REEP5: variants seen among roughly 807,000 people sequenced by gnomAD.
REEP5 encodes the protein receptor expression-enhancing protein 5.
Under a neutral mutation model 22.4 loss-of-function variants are expected in REEP5, and 24 were observed. The observed-to-expected ratio is 1.07, with a 90% CI of 0.78 to 1.51. The LOEUF (loss-of-function observed/expected upper bound fraction) is 1.51, where lower values mean the gene tolerates loss of function less well. Ranked by LOEUF, REEP5 falls within the 40% of genes most tolerant of loss-of-function variation. The pLI, the probability that REEP5 is intolerant of heterozygous loss-of-function variation, is 0.00. For synonymous variants in REEP5, 103 were observed against 88.6 expected, an observed-to-expected ratio of 1.16 and a Z score of -0.92; for missense variants, 252 against 233.0, an observed-to-expected ratio of 1.08 and a Z score of -0.53.
intron 2 of REEP5, among the ~76,000 whole-genome samples, chr5:112,904,876 C>A (rs1397652996): frequency 6.6e-6 from 1 of 151,884 alleles, no homozygotes; most frequent in Admixed American, 6.6e-5. Context: ...TCTAAAGTCC[C>A]CATGTTAATA....
chr5:112,921,995 C>G (rs1001075645), intron 1 of REEP5, 78 bp downstream of exon 1: 99 of 1,511,978 alleles, frequency 6.5e-5, no homozygotes, highest in Non-Finnish European at 8.7e-5. Flanking sequence ...CGAGTCCTCT[C>G]CCTGCTTCCT....
intron 4 of REEP5, among the ~76,000 whole-genome samples, chr5:112,884,787 C>G (rs879862800): frequency 3.3e-5 from 5 of 151,724 alleles, no homozygotes; most frequent in Admixed American, 1.3e-4. Flanking sequence ...TGGCCCCCCC[C>G]CATCTTTCTA....
chr5:112,884,113 G>A (rs1768158876), intron 4 of REEP5, among the ~76,000 whole-genome samples: 1 of 152,142 alleles, frequency 6.6e-6, no homozygotes, highest in Non-Finnish European at 1.5e-5. Context: ...AGTGGCCACA[G>A]GCATCTTATT....
chr5:112,919,097 T>C (rs1769293551), intron 2 of REEP5, among the ~76,000 whole-genome samples: 2 of 152,230 alleles, frequency 1.3e-5, no homozygotes. Context: ...AAAATAACTC[T>C]GGCTAGGGAG....
At chr5:112,888,524 A>T (rs1416892770) in intron 3 of REEP5, among the ~76,000 whole-genome samples, 2 of 152,180 alleles carry the variant, frequency 1.3e-5, no homozygotes. Flanking sequence ...CTGGGTTCAA[A>T]CAATCTTCCC....
intron 2 of REEP5, among the ~76,000 whole-genome samples, chr5:112,916,379 C>G (rs555853692): frequency 2.0e-5 from 3 of 152,302 alleles, no homozygotes; most frequent in Admixed American, 2.0e-4. Flanking sequence ...CGCTGCATCC[C>G]CTTAGGAAAT....
chr5:112,910,579 CTG>C (rs976533233), intron 2 of REEP5, among the ~76,000 whole-genome samples: 177 of 152,304 alleles, frequency 1.2e-3, no homozygotes, highest in African/African-American at 4.0e-3. Flanking sequence ...GAGAGAGTAT[CTG>C]TCCCCATAAA....
intron 3 of REEP5, among the ~76,000 whole-genome samples, chr5:112,887,490 C>T (rs1030556485): frequency 6.6e-6 from 1 of 152,094 alleles, no homozygotes; most frequent in African/African-American, 2.4e-5. Flanking sequence ...TTTTATTAAT[C>T]ATAACTCTTA....
chr5:112,880,187 T>A (rs1281716496), intron 4 of REEP5, among the ~76,000 whole-genome samples: 2 of 151,640 alleles, frequency 1.3e-5, no homozygotes, highest in African/African-American at 4.9e-5. Flanking sequence ...GAGGTAGGAG[T>A]ATTCCTTGAA....
intron 3 of REEP5, chr5:112,894,459 G>C (rs1033607844): frequency 2.0e-5 from 3 of 152,112 alleles, no homozygotes; most frequent in Non-Finnish European, 2.9e-5. Flanking sequence ...ATGTTTTACT[G>C]TAGTTGCTTA....
At chr5:112,878,924 T>C in intron 4 of REEP5, 89 bp from the exon 5 acceptor site, 2 of 1,572,180 alleles carry the variant, frequency 1.3e-6, no homozygotes, top group Non-Finnish European at 1.7e-6. Context: ...ATGTAGCTAC[T>C]AGATAACAAA....
intron 2 of REEP5, among the ~76,000 whole-genome samples, chr5:112,907,524 G>GGCAC (rs1768981045): frequency 6.6e-6 from 1 of 152,210 alleles, no homozygotes; most frequent in Non-Finnish European, 1.5e-5. Context: ...GAGCAGCAGA[G>GGCAC]GCACGACTAC....
intron 2 of REEP5, among the ~76,000 whole-genome samples, chr5:112,919,830 C>A (rs1769312845): frequency 6.6e-6 from 1 of 152,048 alleles, no homozygotes; most frequent in Admixed American, 6.6e-5. Context: ...TTATAGCAGC[C>A]CAAGCAGACT....
chr5:112,892,546 C>A (rs779846186), intron 3 of REEP5: 1 of 1,614,192 alleles, frequency 6.2e-7, no homozygotes, highest in Non-Finnish European at 8.5e-7. Context: ...ACGACAGCTG[C>A]AATGTGAATT....
intron 4 of REEP5, among the ~76,000 whole-genome samples, chr5:112,879,131 T>C (rs771838628): frequency 1.1e-4 from 16 of 152,086 alleles, no homozygotes; most frequent in Admixed American, 2.0e-4. Flanking sequence ...CCTTTAAGCA[T>C]TGAAAGAAGC....
chr5:112,921,031 A>T (rs769019489), intron 2 of REEP5, 132 bp downstream of exon 2: 13 of 804,916 alleles, frequency 1.6e-5, no homozygotes, highest in Non-Finnish European at 2.6e-5. Flanking sequence ...CCCACCCCTT[A>T]TGTCCAACCT....
intron 3 of REEP5, chr5:112,893,110 A>G (rs767771070): frequency 1.2e-5 from 13 of 1,049,956 alleles, no homozygotes; most frequent in Middle Eastern, 6.7e-4. Context: ...AAAAAAAAAA[A>G]AAAAAAAGAA....
At chr5:112,882,935 T>A (rs959808274) in intron 4 of REEP5, among the ~76,000 whole-genome samples, 1 of 152,162 alleles carries the variant, frequency 6.6e-6, no homozygotes, top group African/African-American at 2.4e-5. Flanking sequence ...GCTCACAGCA[T>A]ACCATAAAAC....
intron 2 of REEP5, among the ~76,000 whole-genome samples, chr5:112,920,834 G>A (rs1244792582): frequency 1.3e-5 from 2 of 152,324 alleles, no homozygotes; most frequent in Middle Eastern, 3.4e-3. Context: ...AGACAGAAGT[G>A]CTCAGCTCCC....
Sources: allele counts gnomAD v4.1 joint callset (sites outside exome capture counted in the v4.1 genomes callset), GRCh38; gene constraint gnomAD v4.1.1; transcripts MANE v1.5; gene names NCBI Gene and HGNC (gene_info 2026-07-23, HGNC 2026-07-21).